Variants in UNC5C observed in about 807,000 individuals in gnomAD.
The protein encoded by UNC5C is unc-5 netrin receptor C.
UNC5C carries 47 observed loss-of-function variants against 99.8 expected under a neutral mutation model. The observed-to-expected ratio is 0.47, with a 90% CI of 0.37 to 0.60. The LOEUF is 0.60. Ranked by LOEUF, UNC5C falls within the 20% of genes least tolerant of loss-of-function variation. The pLI is 0.00. For missense variants in UNC5C, 1,062 were observed against 1,165.9 expected, an observed-to-expected ratio of 0.91 and a Z score of 1.30; for synonymous variants, 487 against 452.2, an observed-to-expected ratio of 1.08 and a Z score of -0.98.
chr4:95,258,646 T>C (rs1403398918), intron 4 of UNC5C, among the ~76,000 whole-genome samples: 2 of 151,984 alleles, frequency 1.3e-5, no homozygotes, highest in African/African-American at 2.4e-5. Flanking sequence ...TATTAACAGG[T>C]ACTAAAAACA....
intron 12 of UNC5C, among the ~76,000 whole-genome samples, chr4:95,189,350 G>T (rs1736970896): frequency 6.6e-6 from 1 of 152,186 alleles, no homozygotes; most frequent in Non-Finnish European, 1.5e-5. Context: ...GCAGTGGCGT[G>T]ATCATAGCTC....
At chr4:95,292,061 A>G (rs999729522) in intron 3 of UNC5C, among the ~76,000 whole-genome samples, 2 of 151,836 alleles carry the variant, frequency 1.3e-5, no homozygotes, top group Non-Finnish European at 2.9e-5. Context: ...TTTTTGTTAA[A>G]TTGTATAATT....
chr4:95,336,346 T>C (rs1743337738), intron 1 of UNC5C, among the ~76,000 whole-genome samples: 1 of 151,892 alleles, frequency 6.6e-6, no homozygotes, highest in East Asian at 1.9e-4. Flanking sequence ...CATAAATAAG[T>C]TCAGCCTAAT....
chr4:95,473,774 C>T lies in UNC5C; in HGVS notation c.124+74960G>A, dbSNP rs548166247. Among the ~76,000 whole-genome samples the T allele has an allele frequency of 9.4e-4, 143 of 152,182 alleles. 5 individuals carry two copies. In the South Asian group the frequency reaches 0.029, roughly 31 times the overall value. On this transcript the variant is annotated intron_variant, in intron 1 of 15. Coordinates refer to ENST00000453304, the MANE Select transcript of UNC5C (RefSeq NM_003728.4). ...GTGCCATGTTCCAAGTCTAACACCACTTGCACTAAAAACTTCTACAGAGGG... is the reference window on the plus strand; with the variant it reads ...GTGCCATGTTCCAAGTCTAACACCATTTGCACTAAAAACTTCTACAGAGGG...
intron 1 of UNC5C, among the ~76,000 whole-genome samples, chr4:95,452,808 A>G (rs1230788905): frequency 6.6e-6 from 1 of 152,184 alleles, no homozygotes; most frequent in Non-Finnish European, 1.5e-5. Context: ...TTTTTCAGAC[A>G]TACAACACAG....
chr4:95,332,438 T>C (rs1743152544), intron 2 of UNC5C, among the ~76,000 whole-genome samples: 1 of 144,032 alleles, frequency 6.9e-6, no homozygotes, highest in Non-Finnish European at 1.5e-5. Flanking sequence ...CTATCTGATC[T>C]TTGACAAACC....
At chr4:95,458,906 G>A (rs1384671207) in intron 1 of UNC5C, among the ~76,000 whole-genome samples, 2 of 151,902 alleles carry the variant, frequency 1.3e-5, no homozygotes, top group African/African-American at 4.8e-5. Context: ...CTTACCCCAA[G>A]CCTTATCCCT....
intron 1 of UNC5C, among the ~76,000 whole-genome samples, chr4:95,525,016 A>T (rs939344753): frequency 6.6e-6 from 1 of 152,124 alleles, no homozygotes; most frequent in African/African-American, 2.4e-5. Flanking sequence ...ATGCCAAATT[A>T]ATGGGTCACC....
chr4:95,483,184 G>T (rs1721220122), intron 1 of UNC5C, among the ~76,000 whole-genome samples: 1 of 151,470 alleles, frequency 6.6e-6, no homozygotes, highest in South Asian at 2.1e-4. Flanking sequence ...TTCCATTCAG[G>T]CATAAAAATC....
chr4:95,546,806 T>A, intron 1 of UNC5C, among the ~76,000 whole-genome samples: 1 of 152,208 alleles, frequency 6.6e-6, no homozygotes, highest in South Asian at 2.1e-4. Context: ...TTATTGATCC[T>A]TTTTCTACCC....
In UNC5C at chr4:95,278,426, T is replaced by G. The variant is rs1740938602; in HGVS notation, c.491-64A>C. ...ACAACATTTTCTCATTTACAGAGAG[T>G]ACAAAAAATTTTCTGGCTTAGTATT... On this transcript the variant is annotated intron_variant, in intron 3 of 15. Transcript: ENST00000453304. The G allele has an allele frequency of 2.9e-6, 4 of 1,375,452 alleles. No homozygotes were observed. In the South Asian group the frequency reaches 3.7e-5, roughly 13 times the overall value. The allele number at this position is 1,375,452 out of a possible 1,614,324, so 85.2% of individuals were successfully genotyped here. A position where few individuals can be genotyped will look rare whatever the true frequency, so the allele number is the denominator to read the frequency against.
At chr4:95,455,102 A>C (rs1747391571) in intron 1 of UNC5C, among the ~76,000 whole-genome samples, 1 of 152,280 alleles carries the variant, frequency 6.6e-6, no homozygotes, top group South Asian at 2.1e-4. Context: ...GAGTACATGT[A>C]TTAAAAATAG....
intron 2 of UNC5C, among the ~76,000 whole-genome samples, chr4:95,315,411 T>G (rs534055436): frequency 4.6e-4 from 70 of 152,202 alleles, no homozygotes; most frequent in Non-Finnish European, 8.7e-4. Flanking sequence ...TTATGTCTAT[T>G]CTACACTAGC....
At chr4:95,334,925 T>A (rs1389346355) in intron 2 of UNC5C, among the ~76,000 whole-genome samples, 1 of 152,006 alleles carries the variant, frequency 6.6e-6, no homozygotes, top group Non-Finnish European at 1.5e-5. Context: ...GGATGTAAGT[T>A]ATGAGTATAA....
chr4:95,542,763 T>C (rs998599897), intron 1 of UNC5C, among the ~76,000 whole-genome samples: 1 of 152,008 alleles, frequency 6.6e-6, no homozygotes, highest in Non-Finnish European at 1.5e-5. Context: ...TGGGTTTTCA[T>C]GAAAAGGCAG....
intron 1 of UNC5C, among the ~76,000 whole-genome samples, chr4:95,486,331 T>C (rs1428117079): frequency 2.0e-5 from 3 of 151,706 alleles, no homozygotes; most frequent in African/African-American, 7.3e-5. Context: ...GGGCTATTGT[T>C]TCCTAATGTA....
chr4:95,312,954 T>C (rs1028603928), intron 2 of UNC5C, among the ~76,000 whole-genome samples: 3 of 152,178 alleles, frequency 2.0e-5, no homozygotes, highest in Non-Finnish European at 4.4e-5. Flanking sequence ...ATTGATCTAC[T>C]GAATAAAAAT....
chr4:95,502,441 A>T (rs1721799096), intron 1 of UNC5C, among the ~76,000 whole-genome samples: 3 of 151,944 alleles, frequency 2.0e-5, no homozygotes, highest in South Asian at 2.1e-4. Flanking sequence ...GCTTATTTTT[A>T]AAATTCTTTT....
chr4:95,292,220 C>CATATATATACATATATAT (rs1560772989), intron 3 of UNC5C, among the ~76,000 whole-genome samples: 17 of 91,796 alleles, frequency 1.9e-4, no homozygotes, highest in Non-Finnish European at 3.1e-4. Context: ...TATATATACA[C>CATATATATACATATATAT]ACACACACAC....
Sources: gnomAD v4.1 joint callset for allele counts (sites outside exome capture counted in the v4.1 genomes callset) on GRCh38, gnomAD v4.1.1 for gene constraint, MANE v1.5 for transcripts, NCBI Gene and HGNC (gene_info 2026-07-23, HGNC 2026-07-21) for gene names.